The following TOX variants were observed in gnomAD, a reference collection of about 807,000 sequenced individuals.
TOX encodes the protein thymocyte selection associated high mobility group box.
A neutral mutation model predicts 53.7 loss-of-function variants in TOX; 11 were observed. The observed-to-expected ratio is 0.20, with a 90% CI of 0.13 to 0.34. TOX has a LOEUF of 0.34. TOX is among the 10% of genes least tolerant of loss of function. TOX has a pLI of 1.00. For synonymous variants in TOX, 225 were observed against 245.3 expected (o/e 0.92, Z 0.77); for missense variants, 570 against 664.6 (o/e 0.86, Z 1.56).
At chr8:58,887,526 C>A (rs1461951343) in intron 3 of TOX, among the ~76,000 whole-genome samples, 1 of 151,778 alleles carries the variant, frequency 6.6e-6, no homozygotes, top group Non-Finnish European at 1.5e-5. Context: ...ATAGAATTTT[C>A]AAACTTATTT....
chr8:58,832,668 T>A (rs550974893), intron 5 of TOX, among the ~76,000 whole-genome samples: 2 of 152,158 alleles, frequency 1.3e-5, no homozygotes, highest in South Asian at 4.1e-4. Flanking sequence ...CAGGACAGGC[T>A]CATAATTGAA....
intron 1 of TOX, among the ~76,000 whole-genome samples, chr8:58,968,789 C>CA (rs1401777319): frequency 2.4e-4 from 36 of 151,784 alleles, no homozygotes; most frequent in African/African-American, 8.2e-4. Flanking sequence ...AACCTCAAAA[C>CA]AAAACAAAAC....
intron 3 of TOX, among the ~76,000 whole-genome samples, chr8:58,901,263 A>G (rs1811730662): frequency 6.6e-6 from 1 of 152,198 alleles, no homozygotes; most frequent in Non-Finnish European, 1.5e-5. Flanking sequence ...AAATAAATGC[A>G]CTTTATGTTC....
At chr8:58,833,287 C>T (rs1176976127) in intron 5 of TOX, among the ~76,000 whole-genome samples, 1 of 152,206 alleles carries the variant, frequency 6.6e-6, no homozygotes. Flanking sequence ...TTTAAGGTGA[C>T]TTTCCTTTTT....
intron 5 of TOX, among the ~76,000 whole-genome samples, chr8:58,837,653 A>C (rs1302009913): frequency 6.6e-6 from 1 of 152,204 alleles, no homozygotes; most frequent in Non-Finnish European, 1.5e-5. Flanking sequence ...CTAGGGGCGG[A>C]AACCCTTGAA....
At chr8:59,053,515 T>G (rs1803831605) in intron 1 of TOX, among the ~76,000 whole-genome samples, 1 of 152,254 alleles carries the variant, frequency 6.6e-6, no homozygotes, top group Non-Finnish European at 1.5e-5. Context: ...AGACCAATAA[T>G]TCAGTTGTCT....
At chr8:58,889,112 C>T (rs1249641917) in intron 3 of TOX, among the ~76,000 whole-genome samples, 4 of 147,476 alleles carry the variant, frequency 2.7e-5, no homozygotes, top group African/African-American at 9.9e-5. Flanking sequence ...ATTAAAATTA[C>T]AAATGCATAT....
chr8:58,949,382 C>T (rs1812579897), intron 2 of TOX, among the ~76,000 whole-genome samples: 1 of 152,148 alleles, frequency 6.6e-6, no homozygotes, highest in African/African-American at 2.4e-5. Flanking sequence ...TCGGATATTG[C>T]TGTTGCAAAC....
intron 1 of TOX, among the ~76,000 whole-genome samples, chr8:59,108,309 A>G (rs1384028336): frequency 1.3e-5 from 2 of 152,156 alleles, no homozygotes; most frequent in Non-Finnish European, 2.9e-5. Flanking sequence ...TGTCAAATTC[A>G]CGTATATTGT....
chr8:58,829,034 C>A (rs1205515712), intron 5 of TOX, among the ~76,000 whole-genome samples: 1 of 152,136 alleles, frequency 6.6e-6, no homozygotes, highest in Non-Finnish European at 1.5e-5. Context: ...AAATAGAATG[C>A]ACTTTGGTTC....
chr8:58,888,732 T>C (rs376361183), intron 3 of TOX, among the ~76,000 whole-genome samples: 1 of 151,916 alleles, frequency 6.6e-6, no homozygotes, highest in Admixed American at 6.6e-5. Flanking sequence ...AATCTGGAAA[T>C]AGGATCAACT....
At chr8:58,939,234 C>T in intron 3 of TOX, 68 bp downstream of exon 3, 5 of 1,574,226 alleles carry the variant, frequency 3.2e-6, no homozygotes, top group Non-Finnish European at 4.3e-6. Flanking sequence ...CAGGCCCTCG[C>T]ATGAACTTGG....
chr8:58,879,226 C>T (rs926443496), intron 3 of TOX, among the ~76,000 whole-genome samples: 1 of 152,094 alleles, frequency 6.6e-6, no homozygotes, highest in Non-Finnish European at 1.5e-5. Flanking sequence ...ATATTTGGTA[C>T]AGAAACCATA....
At chr8:58,998,527 A>AATAAATTTATGTAATAAATT (rs1256370779) in intron 1 of TOX, among the ~76,000 whole-genome samples, 4 of 40,218 alleles carry the variant, frequency 9.9e-5, no homozygotes, top group African/African-American at 2.0e-4. Flanking sequence ...ATATATATAT[A>AATAAATTTATGTAATAAATT]TATATATATA....
chr8:59,080,974 T>A (rs538828920), intron 1 of TOX, among the ~76,000 whole-genome samples: 9 of 152,156 alleles, frequency 5.9e-5, no homozygotes, highest in African/African-American at 2.2e-4. Context: ...GTGGAAGTTA[T>A]AAATTTTAGA....
At chr8:58,998,644 A>T (rs893822111) in intron 1 of TOX, among the ~76,000 whole-genome samples, 1 of 97,392 alleles carries the variant, frequency 1.0e-5, no homozygotes, top group Admixed American at 1.0e-4. Context: ...TATATATAAT[A>T]AATTTATATA....
chr8:59,092,243 C>A (rs1405645057), intron 1 of TOX, among the ~76,000 whole-genome samples: 2 of 91,918 alleles, frequency 2.2e-5, no homozygotes, highest in African/African-American at 1.4e-4. Flanking sequence ...AAGAGCAAGA[C>A]TCCATCTCAT....
chr8:58,888,089 T>C (rs547344108), intron 3 of TOX, among the ~76,000 whole-genome samples: 25 of 152,196 alleles, frequency 1.6e-4, no homozygotes, highest in Non-Finnish European at 3.2e-4. Flanking sequence ...ACCATGGGAT[T>C]TGTGTATCTA....
intron 1 of TOX, among the ~76,000 whole-genome samples, chr8:59,105,814 C>G: frequency 6.6e-6 from 1 of 152,256 alleles, no homozygotes; most frequent in Non-Finnish European, 1.5e-5. Flanking sequence ...TTTCCTGTTA[C>G]ATAAAATGAA....
Sources: gnomAD v4.1 joint callset for allele counts (sites outside exome capture counted in the v4.1 genomes callset) on GRCh38, gnomAD v4.1.1 for gene constraint, MANE v1.5 for transcripts, NCBI Gene and HGNC (gene_info 2026-07-23, HGNC 2026-07-21) for gene names.